The following CALD1 variants were observed in gnomAD, a reference collection of about 807,000 sequenced individuals.
CALD1 encodes the protein caldesmon 1, also known as caldesmon.
Under a neutral mutation model 99.9 loss-of-function variants are expected in CALD1, and 33 were observed. The ratio of observed to expected loss-of-function variants is 0.33; its 90% CI spans 0.25 to 0.44. The LOEUF is 0.44. CALD1 is among the 20% of genes least tolerant of loss of function. CALD1 has a pLI of 1.00. For missense variants in CALD1, 861 were observed against 962.1 expected (o/e 0.89, Z 1.39); for synonymous variants, 310 against 325.0 (o/e 0.95, Z 0.50).
At chr7:134,857,404 G>C (rs1447301978) in intron 2 of CALD1, among the ~76,000 whole-genome samples, 1 of 151,434 alleles carries the variant, frequency 6.6e-6, no homozygotes, top group Non-Finnish European at 1.5e-5. Context: ...TGATCCGCCC[G>C]CCTCGGCCTC....
Position 134,947,378 on chromosome 7 carries a change from AC to A in CALD1, c.1533-125del, listed in dbSNP as rs1272444648. On this transcript the variant is annotated intron_variant, in intron 7 of 14. Transcript: ENST00000361675. ...TCCGGGCAGACCCCTTCCCCAGCCT[AC>A]CCCCTGGGCTAATGAGAGGCAGTGG... 5 of 908,314 alleles carry A rather than the reference AC, an allele frequency of 5.5e-6. No individual in the cohort carries two copies. In the Admixed American group the frequency reaches 8.5e-5, roughly 15 times the overall value. The allele number at this position is 908,314 out of a possible 1,614,324, so 56.3% of individuals were successfully genotyped here. A position where few individuals can be genotyped will look rare whatever the true frequency, so the allele number is the denominator to read the frequency against.
Position 134,783,153 on chromosome 7 carries a change from G to A in CALD1, c.-130+3404G>A, listed in dbSNP as rs570030653. ...GGGCCTTGTAGGAAGGGCAAGGAAG[G>A]CAGGAACACCTGGCTGTGGTTCCTG... On this transcript the variant is annotated intron_variant, in intron 1 of 14. Transcript: ENST00000361675. The surrounding 1 kb of genome is among the most constrained non-coding windows in gnomAD (Gnocchi z 4.3). Among the ~76,000 whole-genome samples the A allele has an allele frequency of 6.6e-6, 1 of 152,320 alleles. No individual in the cohort carries two copies. Among genetic ancestry groups the A allele is most frequent in the Admixed American group, 6.5e-5 (1 of 15,300 alleles).
intron 1 of CALD1, among the ~76,000 whole-genome samples, chr7:134,804,040 C>G (rs1187658892): frequency 6.6e-6 from 1 of 152,186 alleles, no homozygotes; most frequent in Non-Finnish European, 1.5e-5. Flanking sequence ...TCTATAGATT[C>G]ATTTGTCTTT....
chr7:134,941,661 A>G (rs1285667031), intron 7 of CALD1, among the ~76,000 whole-genome samples: 1 of 151,394 alleles, frequency 6.6e-6, no homozygotes, highest in Non-Finnish European at 1.5e-5. Flanking sequence ...GGTTGTAAAT[A>G]AATATTGCAT....
chr7:134,719,692 G>C, the CALD1 span, among the ~76,000 whole-genome samples: 1 of 152,166 alleles, frequency 6.6e-6, no homozygotes, highest in Non-Finnish European at 1.5e-5. Flanking sequence ...ATTTTGTTTT[G>C]CTTGGACGTC....
At chr7:134,713,305 C>T in the CALD1 span, among the ~76,000 whole-genome samples, 1 of 152,194 alleles carries the variant, frequency 6.6e-6, no homozygotes. Context: ...TTCCTTCTCA[C>T]CTGGATGGTG....
chr7:134,889,719 G>A (rs1802051628), intron 3 of CALD1, among the ~76,000 whole-genome samples: 1 of 152,172 alleles, frequency 6.6e-6, no homozygotes, highest in Non-Finnish European at 1.5e-5. Context: ...AAGTCCTCTT[G>A]TGTGAAGGCA....
At chr7:134,881,639 T>G (rs940606976) in intron 3 of CALD1, among the ~76,000 whole-genome samples, 3 of 152,220 alleles carry the variant, frequency 2.0e-5, no homozygotes, top group African/African-American at 7.2e-5. Flanking sequence ...TTCATGCTGG[T>G]CATGTGCTGT....
intron 1 of CALD1, among the ~76,000 whole-genome samples, chr7:134,750,840 T>C (rs1248195479): frequency 1.3e-5 from 2 of 152,190 alleles, no homozygotes; most frequent in Non-Finnish European, 2.9e-5. Context: ...AGCAGGTCAC[T>C]TACATTTTTC....
rs1281482302 is a variant in CALD1, at chr7:134,950,513, A to C, written c.1934A>C (p.Lys645Thr). ...KCFTPKGSSL[K>T]IEERAEFLNK... ...TTCACTCCTAAAGGTTCATCTCTCA[A>C]GGTATTTTTTTCCCCAGAAAACTTC... Residue 645 changes from lysine to threonine, a missense_variant and splice_region_variant, in exon 9 of 15, where the codon AAG (lysine) becomes ACG (threonine). By Grantham distance (78) the Lys-to-Thr change is moderately conservative. Transcript: ENST00000361675. 1 of 1,613,042 alleles carries C rather than the reference A, an allele frequency of 6.2e-7. No individual in the cohort carries two copies. Among genetic ancestry groups the C allele is most frequent in the Non-Finnish European group, 8.5e-7 (1 of 1,179,492 alleles).
intron 1 of CALD1, among the ~76,000 whole-genome samples, chr7:134,798,301 G>A (rs1160311259): frequency 6.6e-6 from 1 of 152,138 alleles, no homozygotes; most frequent in South Asian, 2.1e-4. Context: ...CTGTTCTCTG[G>A]TTTGTTTCCC....
rs560622089 is a variant in CALD1 at position 134,935,716 on chromosome 7, C to A, written c.1337C>A (p.Ala446Asp). ...GAAGAGAAGGGAACTAAAGTGCAAG[C>A]TAAAAGAGAAAAGCTCCAAGAAGAC... ...QGEEKGTKVQ[A>D]KREKLQEDKP... The change falls in exon 6 of 15, where the codon GCT (alanine) becomes GAT (aspartate). Residue 446 changes from alanine (A) to aspartate (D), a missense_variant. This residue lies in a region of CALD1 where 293 missense variants were observed against 262.7 expected (regional missense o/e 1.12). Transcript: ENST00000361675. 5 of 1,604,382 alleles carry A rather than the reference C, an allele frequency of 3.1e-6. No individual in the cohort carries two copies. In the African/African-American group the frequency reaches 6.7e-5, roughly 22 times the overall value.
Position 134,965,319 on chromosome 7 carries a change from G to A in CALD1, c.2309G>A (p.Gly770Glu). The change falls in exon 14 of 15, where the codon GGA becomes GAA. Residue 770 changes from glycine to glutamate, a missense_variant. By Grantham distance (98) the Gly-to-Glu change is moderately conservative. Coordinates refer to ENST00000361675, the MANE Select transcript of CALD1 (RefSeq NM_033138.4). The part of the protein sequence containing the change: ...PAPKPSDLRP[G>E]DVSSKRNLWE... ...CCTTTTTATCAGGACTTGAGACCAG[G>A]AGACGTATCCAGCAAGCGGAACCTC... is the stretch of plus-strand genomic sequence containing the variant. 1 of 1,576,964 alleles carries A rather than the reference G, an allele frequency of 6.3e-7. No homozygotes were observed. The highest frequency in any genetic ancestry group is 8.7e-7 in the Non-Finnish European group (1 of 1,146,114).
intron 4 of CALD1, among the ~76,000 whole-genome samples, chr7:134,930,614 G>A (rs935686737): frequency 6.6e-6 from 1 of 152,160 alleles, no homozygotes; most frequent in Non-Finnish European, 1.5e-5. Flanking sequence ...TCTAATTGGG[G>A]AGTAGGTATA....
intron 9 of CALD1, among the ~76,000 whole-genome samples, chr7:134,951,235 T>G (rs991478393): frequency 2.0e-5 from 3 of 152,236 alleles, no homozygotes; most frequent in African/African-American, 7.2e-5. Flanking sequence ...ATATAAATGT[T>G]GGACCATAGC....
At chr7:134,729,274 G>T in the CALD1 span, among the ~76,000 whole-genome samples, 1 of 152,188 alleles carries the variant, frequency 6.6e-6, no homozygotes, top group Non-Finnish European at 1.5e-5. Flanking sequence ...CCCTATCATA[G>T]AGTAGTATTA....
chr7:134,737,508 T>A, the CALD1 span, among the ~76,000 whole-genome samples: 1 of 152,202 alleles, frequency 6.6e-6, no homozygotes, highest in Admixed American at 6.5e-5. Flanking sequence ...AAATCTGCCT[T>A]TTTTTGGTCA....
At chr7:134,774,125 GT>G (rs143511283) in intron 1 of CALD1, among the ~76,000 whole-genome samples, 19,900 of 151,176 alleles carry the variant, frequency 0.13, 2,354 homozygotes, top group African/African-American at 0.31. Context: ...AGCTGACATG[GT>G]GCCACTGCAC....
intron 1 of CALD1, among the ~76,000 whole-genome samples, chr7:134,809,807 C>T (rs1164129616): frequency 1.3e-5 from 2 of 152,122 alleles, no homozygotes; most frequent in African/African-American, 4.8e-5. Context: ...CTCACAATCA[C>T]AAAAGGCTGT....
Sources: allele counts gnomAD v4.1 joint callset (sites outside exome capture counted in the v4.1 genomes callset), GRCh38; gene constraint gnomAD v4.1.1; regional missense constraint gnomAD v4.1.1; non-coding constraint Gnocchi (gnomAD v3.1); transcripts MANE v1.5; gene names NCBI Gene and HGNC (gene_info 2026-07-23, HGNC 2026-07-21).